Variants in TEAD1 observed in about 807,000 individuals in gnomAD.
TEAD1 encodes the protein transcriptional enhancer factor TEF-1.
A neutral mutation model predicts 54.9 loss-of-function variants in TEAD1; 9 were observed. The ratio of observed to expected loss-of-function variants is 0.16; its 90% CI spans 0.10 to 0.29. The LOEUF (loss-of-function observed/expected upper bound fraction) is 0.29, where lower values mean the gene tolerates loss of function less well. Ranked by LOEUF, TEAD1 falls within the 10% of genes least tolerant of loss-of-function variation. The pLI, the probability that TEAD1 is intolerant of heterozygous loss-of-function variation, is 1.00. For synonymous variants in TEAD1, 200 were observed against 187.8 expected, an observed-to-expected ratio of 1.07 and a Z score of -0.53; for missense variants, 387 against 535.9, an observed-to-expected ratio of 0.72 and a Z score of 2.74.
chr11:12,684,320 G>A (rs1450844537), intron 2 of TEAD1, among the ~76,000 whole-genome samples: 2 of 152,210 alleles, frequency 1.3e-5, no homozygotes, highest in Non-Finnish European at 2.9e-5. Context: ...GGATAGCATG[G>A]TGCAACTTCA....
intron 2 of TEAD1, among the ~76,000 whole-genome samples, chr11:12,756,005 C>T (rs1944977213): frequency 6.6e-6 from 1 of 152,266 alleles, no homozygotes; most frequent in Non-Finnish European, 1.5e-5. Context: ...ATCAGAGCTG[C>T]ATAGCATGAA....
chr11:12,872,103 A>C (rs755018493), intron 5 of TEAD1, among the ~76,000 whole-genome samples: 2 of 152,156 alleles, frequency 1.3e-5, no homozygotes, highest in Non-Finnish European at 2.9e-5. Flanking sequence ...TTAAAGTTCA[A>C]ATTGTTGATT....
intron 2 of TEAD1, among the ~76,000 whole-genome samples, chr11:12,753,335 A>G (rs1944916587): frequency 1.3e-5 from 2 of 152,166 alleles, no homozygotes; most frequent in South Asian, 4.1e-4. Context: ...TTTGGTATGT[A>G]GATATTGCCA....
chr11:12,802,181 G>T (rs1334978659), intron 3 of TEAD1, among the ~76,000 whole-genome samples: 2 of 152,224 alleles, frequency 1.3e-5, no homozygotes, highest in Non-Finnish European at 2.9e-5. Flanking sequence ...CACCTACTTA[G>T]CCTCTAAGAT....
chr11:12,777,013 T>C (rs1564936032), intron 3 of TEAD1, among the ~76,000 whole-genome samples: 1 of 151,930 alleles, frequency 6.6e-6, no homozygotes, highest in East Asian at 1.9e-4. Flanking sequence ...GGCTGGTCTC[T>C]AACTCCCGAC....
chr11:12,735,005 T>C (rs1158748875), intron 2 of TEAD1, among the ~76,000 whole-genome samples: 1 of 152,156 alleles, frequency 6.6e-6, no homozygotes, highest in Non-Finnish European at 1.5e-5. Context: ...ACTTTTGTGT[T>C]GATCAAGTGT....
chr11:12,928,606 G>GGT (rs553338219), intron 11 of TEAD1, among the ~76,000 whole-genome samples: 1,609 of 152,184 alleles, frequency 0.011, 19 homozygotes, highest in African/African-American at 0.037. Flanking sequence ...CCAAATTTCA[G>GGT]TCTTGAATGT....
chr11:12,897,830 A>G (rs865967270), intron 9 of TEAD1, among the ~76,000 whole-genome samples: 43 of 152,164 alleles, frequency 2.8e-4, no homozygotes, highest in Admixed American at 9.2e-4. Flanking sequence ...TCCCAAATCA[A>G]CTTTCAAAAA....
intron 2 of TEAD1, among the ~76,000 whole-genome samples, chr11:12,759,211 T>C (rs1253481278): frequency 6.6e-6 from 1 of 152,194 alleles, no homozygotes. Context: ...AGCAAATTCC[T>C]GTGTCCTATC....
intron 3 of TEAD1, among the ~76,000 whole-genome samples, chr11:12,817,306 G>C (rs1317262589): frequency 9.2e-5 from 14 of 152,164 alleles, no homozygotes; most frequent in Admixed American, 9.2e-4. Flanking sequence ...AAGGAGATGA[G>C]AATAAACATT....
rs147588204 is a variant in TEAD1 at position 12,819,879 on chromosome 11, T to C, written c.203-42371T>C. Among the ~76,000 whole-genome samples the C allele has an allele frequency of 7.6e-4, 116 of 152,350 alleles. 1 individual carries two copies. Among genetic ancestry groups the C allele is most frequent in the Non-Finnish European group, 1.3e-3 (91 of 68,036 alleles). Reference sequence around the variant, plus strand: ...AGCTTCTTGATTTTCATGATAAACATAGACTTGGAGCCTTTTTCTTTTTCC... The same window carrying C: ...AGCTTCTTGATTTTCATGATAAACACAGACTTGGAGCCTTTTTCTTTTTCC... On this transcript the variant is annotated intron_variant, in intron 3 of 12. Transcript: ENST00000527636.
chr11:12,869,923 G>T (rs1463439599), intron 5 of TEAD1, among the ~76,000 whole-genome samples: 2 of 151,528 alleles, frequency 1.3e-5, no homozygotes, highest in Non-Finnish European at 2.9e-5. Context: ...TTTGTCGCCC[G>T]GGCGGGAGTG....
At chr11:12,893,966 C>G (rs1589967050) in intron 9 of TEAD1, among the ~76,000 whole-genome samples, 1 of 152,134 alleles carries the variant, frequency 6.6e-6, no homozygotes, top group Non-Finnish European at 1.5e-5. Flanking sequence ...GCAGCCATTC[C>G]CTGTCCCCCC....
intron 3 of TEAD1, among the ~76,000 whole-genome samples, chr11:12,827,107 C>T (rs1393666496): frequency 9.8e-5 from 15 of 152,338 alleles, no homozygotes; most frequent in Admixed American, 7.2e-4. Flanking sequence ...CTGGATAGAA[C>T]TCAGTGGATT....
chr11:12,830,018 G>A (rs912811097), intron 3 of TEAD1, among the ~76,000 whole-genome samples: 1 of 152,112 alleles, frequency 6.6e-6, no homozygotes, highest in Non-Finnish European at 1.5e-5. Flanking sequence ...CTTGGGAGTG[G>A]AGAGATAGAG....
At chr11:12,848,379 TTTAAAG>T (rs1399868958) in intron 3 of TEAD1, among the ~76,000 whole-genome samples, 1 of 152,158 alleles carries the variant, frequency 6.6e-6, no homozygotes, top group East Asian at 1.9e-4. Context: ...ATTAGAGAAC[TTTAAAG>T]TGATGTGTGT....
chr11:12,703,322 G>A (rs543821583), intron 2 of TEAD1, among the ~76,000 whole-genome samples: 2 of 152,138 alleles, frequency 1.3e-5, no homozygotes, highest in African/African-American at 2.4e-5. Context: ...TGTAACATAG[G>A]ATGAGTCAAT....
At chr11:12,763,222 A>G (rs1472101872) in intron 2 of TEAD1, among the ~76,000 whole-genome samples, 1 of 152,246 alleles carries the variant, frequency 6.6e-6, no homozygotes, top group Admixed American at 6.5e-5. Flanking sequence ...AGGGGAATAA[A>G]TCTTTCAGAG....
At chr11:12,696,939 C>G (rs1943598550) in intron 2 of TEAD1, among the ~76,000 whole-genome samples, 1 of 152,158 alleles carries the variant, frequency 6.6e-6, no homozygotes, top group African/African-American at 2.4e-5. Flanking sequence ...CTACCCACTT[C>G]CACCCTGTCT....
Sources: gnomAD v4.1 joint callset for allele counts (sites outside exome capture counted in the v4.1 genomes callset) on GRCh38, gnomAD v4.1.1 for gene constraint, MANE v1.5 for transcripts, NCBI Gene and HGNC (gene_info 2026-07-23, HGNC 2026-07-21) for gene names.